The following SYT14 variants were observed in gnomAD, a reference collection of about 807,000 sequenced individuals.
The protein encoded by SYT14 is synaptotagmin-14.
Under a neutral mutation model 74.2 loss-of-function variants are expected in SYT14, and 32 were observed. The ratio of observed to expected loss-of-function variants is 0.43; its 90% confidence interval spans 0.33 to 0.58. SYT14 has a LOEUF of 0.58. Ranked by LOEUF, SYT14 falls within the 20% of genes least tolerant of loss-of-function variation. The pLI, the probability that SYT14 is intolerant of heterozygous loss-of-function variation, is 0.05. For synonymous variants in SYT14, 298 were observed against 337.7 expected (o/e 0.88, Z 1.29); for missense variants, 791 against 981.8 (o/e 0.81, Z 2.60).
At chr1:210,063,503 C>G (rs1234857676) in intron 5 of SYT14, among the ~76,000 whole-genome samples, 1 of 151,726 alleles carries the variant, frequency 6.6e-6, no homozygotes, top group East Asian at 1.9e-4. Flanking sequence ...ATTTTTTCAG[C>G]TGAACTTTTA....
intron 5 of SYT14, among the ~76,000 whole-genome samples, chr1:210,037,617 G>A (rs1419208908): frequency 1.3e-5 from 2 of 150,174 alleles, no homozygotes; most frequent in African/African-American, 4.9e-5. Flanking sequence ...GTATCTCAGA[G>A]GTTTTGGTAT....
chr1:210,103,994 G>C (rs539867181), intron 7 of SYT14, among the ~76,000 whole-genome samples: 41 of 152,292 alleles, frequency 2.7e-4, no homozygotes, highest in African/African-American at 9.6e-4. Context: ...GGTAGATATG[G>C]CAGGAGCTGT....
intron 5 of SYT14, among the ~76,000 whole-genome samples, chr1:210,040,034 A>T (rs919259765): frequency 6.6e-6 from 1 of 152,050 alleles, no homozygotes; most frequent in Non-Finnish European, 1.5e-5. Flanking sequence ...TTCCCAAAGG[A>T]TTATAAATCA....
chr1:210,156,683 C>CTTTTTTTT lies in SYT14; in HGVS notation c.2224+794_2224+801dup, dbSNP rs71146208. On this transcript the variant is annotated intron_variant, in intron 8 of 9. Transcript: ENST00000637265. ...AGGTAAACTGGGAAAGTGGCAGCTT[C>CTTTTTTTT]TTTTTTTTTTTTTTTTTTTTTTTTT... Among the ~76,000 whole-genome samples the CTTTTTTTT allele has an allele frequency of 2.4e-3, 137 of 55,994 alleles. 2 individuals carry two copies. Among genetic ancestry groups the CTTTTTTTT allele is most frequent in the Non-Finnish European group, 3.6e-3 (110 of 30,442 alleles). 36.7% of individuals were successfully genotyped at this position (55,994 alleles called of 152,430 possible). A position where few individuals can be genotyped will look rare whatever the true frequency, so the allele number is the denominator to read the frequency against.
chr1:210,082,356 C>T (rs1326913990), intron 5 of SYT14, among the ~76,000 whole-genome samples: 2 of 152,060 alleles, frequency 1.3e-5, no homozygotes, highest in South Asian at 2.1e-4. Context: ...AGTTGAGAAC[C>T]GAAGAGACTA....
intron 5 of SYT14, among the ~76,000 whole-genome samples, chr1:210,039,471 T>C (rs2080738511): frequency 6.6e-6 from 1 of 152,094 alleles, no homozygotes; most frequent in Non-Finnish European, 1.5e-5. Context: ...GACATAGGCA[T>C]GGGCAAAGAT....
intron 2 of SYT14, chr1:209,966,098 T>G: frequency 2.8e-6 from 1 of 354,264 alleles, no homozygotes; most frequent in Admixed American, 3.7e-5. Flanking sequence ...TCTCGATCGC[T>G]TGATCTCATG....
intron 2 of SYT14, among the ~76,000 whole-genome samples, chr1:209,996,144 G>A (rs1437903968): frequency 6.6e-6 from 1 of 152,048 alleles, no homozygotes; most frequent in Non-Finnish European, 1.5e-5. Flanking sequence ...AGAATTTAAT[G>A]AAATTGAGCT....
At chr1:210,032,251 A>G (rs1466425065) in intron 5 of SYT14, among the ~76,000 whole-genome samples, 2 of 152,126 alleles carry the variant, frequency 1.3e-5, no homozygotes, top group Non-Finnish European at 2.9e-5. Context: ...GTTGAATTTC[A>G]GTAGCATACC....
chr1:209,956,914 T>A (rs12726100), intron 2 of SYT14, among the ~76,000 whole-genome samples: 2,708 of 152,204 alleles, frequency 0.018, 46 homozygotes, highest in Middle Eastern at 0.034. Context: ...TTTGTGATTG[T>A]CTTTTTTGTC....
intron 6 of SYT14, among the ~76,000 whole-genome samples, chr1:210,097,359 A>C (rs186231252): frequency 1.3e-5 from 2 of 152,288 alleles, no homozygotes; most frequent in Admixed American, 6.5e-5. Context: ...TTGATAACCT[A>C]TTGCTATCTA....
intron 7 of SYT14, among the ~76,000 whole-genome samples, chr1:210,144,772 A>C (rs2082995360): frequency 6.6e-6 from 1 of 152,166 alleles, no homozygotes; most frequent in African/African-American, 2.4e-5. Flanking sequence ...CATCTCATTT[A>C]AAACAAATTC....
At chr1:210,082,207 T>G (rs2081629116) in intron 5 of SYT14, among the ~76,000 whole-genome samples, 1 of 152,222 alleles carries the variant, frequency 6.6e-6, no homozygotes, top group Non-Finnish European at 1.5e-5. Flanking sequence ...TTAAGTTGTA[T>G]TGGAAACGTA....
intron 2 of SYT14, chr1:209,966,123 A>G (rs528922191): frequency 1.7e-4 from 59 of 341,916 alleles, no homozygotes; most frequent in African/African-American, 1.2e-3. Context: ...GCCTGCCTCA[A>G]CCTCGCAAAG....
intron 1 of SYT14, 27 bp downstream of exon 1, chr1:209,938,304 GAGGACC>G: frequency 6.4e-7 from 1 of 1,551,060 alleles, no homozygotes; most frequent in Non-Finnish European, 8.7e-7. Context: ...AGCGGGGAGC[GAGGACC>G]GGGACCACCC....
chr1:210,118,754 T>C (rs915267620), intron 7 of SYT14, among the ~76,000 whole-genome samples: 1 of 152,126 alleles, frequency 6.6e-6, no homozygotes, highest in Non-Finnish European at 1.5e-5. Flanking sequence ...ATAATAATAA[T>C]AGTTGTATCC....
chr1:209,940,207 C>T (rs1001588258), intron 1 of SYT14, among the ~76,000 whole-genome samples: 4 of 152,202 alleles, frequency 2.6e-5, no homozygotes, highest in Non-Finnish European at 5.9e-5. Flanking sequence ...TCATTATGCA[C>T]ACCCTTCCTA....
chr1:210,052,900 C>T (rs1003408508), intron 5 of SYT14, among the ~76,000 whole-genome samples: 3 of 151,994 alleles, frequency 2.0e-5, no homozygotes, highest in African/African-American at 7.2e-5. Flanking sequence ...TTTAATGTTA[C>T]CTTTAAATTT....
intron 7 of SYT14, among the ~76,000 whole-genome samples, chr1:210,129,851 G>A (rs907026211): frequency 8.5e-5 from 13 of 152,174 alleles, no homozygotes; most frequent in African/African-American, 3.1e-4. Flanking sequence ...TCAAAGTAAA[G>A]ATGCTCAGGC....
Sources: allele counts gnomAD v4.1 joint callset (sites outside exome capture counted in the v4.1 genomes callset), GRCh38; gene constraint gnomAD v4.1.1; transcripts MANE v1.5; gene names NCBI Gene and HGNC (gene_info 2026-07-23, HGNC 2026-07-21).